SDK1: variants seen among roughly 807,000 people sequenced by gnomAD.
SDK1 encodes the protein protein sidekick-1.
Under a neutral mutation model 245.5 loss-of-function variants are expected in SDK1, and 157 were observed. The ratio of observed to expected loss-of-function variants is 0.64; its 90% CI spans 0.56 to 0.73. The LOEUF (loss-of-function observed/expected upper bound fraction) is 0.73. SDK1 is among the 30% of genes least tolerant of loss of function. SDK1 has a pLI of 0.00. For synonymous variants in SDK1, 1,647 were observed against 1,278.5 expected (o/e 1.29, Z -6.15); for missense variants, 3,583 against 3,002.3 (o/e 1.19, Z -4.52).
rs77866230 is a variant in SDK1, at chr7:3,558,601, G to T, written c.299-60479G>T. Among the ~76,000 whole-genome samples, 401 of 152,326 alleles carry T rather than the reference G, an allele frequency of 2.6e-3. 2 individuals carry two copies. Among genetic ancestry groups the T allele is most frequent in the African/African-American group, 9.2e-3 (382 of 41,584 alleles). The stretch of plus-strand genomic sequence containing the variant: ...GGTTATTGCTCTGTGAAGGGAGTAA[G>T]AGCTGGGAGGGGGCAGAGGGGCAAT... On this transcript the variant is annotated intron_variant, in intron 1 of 44. Transcript: ENST00000404826.
chr7:3,987,094 C>A (rs1583737655), intron 13 of SDK1, 92 bp from the exon 14 acceptor site: 1 of 1,227,496 alleles, frequency 8.1e-7, no homozygotes, highest in Non-Finnish European at 1.2e-6. Context: ...CCAAACATGA[C>A]ACAGCAGGAC....
At chr7:3,465,019 G>A (rs1456513710) in intron 1 of SDK1, among the ~76,000 whole-genome samples, 4 of 152,094 alleles carry the variant, frequency 2.6e-5, no homozygotes, top group Non-Finnish European at 5.9e-5. Flanking sequence ...AACCACAGAG[G>A]AAGACTTTTG....
At chr7:4,097,748 T>C (rs532469198) in intron 22 of SDK1, among the ~76,000 whole-genome samples, 2 of 152,336 alleles carry the variant, frequency 1.3e-5, no homozygotes, top group African/African-American at 4.8e-5. Flanking sequence ...GTGAGACCTG[T>C]CTGTGGCCCT....
At chr7:3,665,002 G>C (rs1327715866) in intron 4 of SDK1, among the ~76,000 whole-genome samples, 1 of 152,188 alleles carries the variant, frequency 6.6e-6, no homozygotes, top group African/African-American at 2.4e-5. Flanking sequence ...TAAACTTTGA[G>C]TAGGCTCTTC....
At position 4,012,549 on chromosome 7, in the gene SDK1, C is replaced by CTTTTTTTTTTTT. The variant is rs777199429; in HGVS notation, c.2420+346_2420+357dup. Reference sequence around the variant, plus strand: ...GCAAGGTATATTGTTCAATGTGAAGCTTTTTTTTTTTTTTTTTTTTTTTTT... The same window carrying CTTTTTTTTTTTT: ...GCAAGGTATATTGTTCAATGTGAAGCTTTTTTTTTTTTTTTTTTTTTTTTTTTTTTTTTTTTT... On this transcript the variant is annotated intron_variant, in intron 16 of 44. Transcript: ENST00000404826. Among the ~76,000 whole-genome samples the CTTTTTTTTTTTT allele has an allele frequency of 6.5e-4, 17 of 25,988 alleles. 4 individuals carry two copies. The highest frequency in any genetic ancestry group is 1.2e-3 in the Admixed American group (2 of 1,620). 17.0% of individuals were successfully genotyped at this position (25,988 alleles called of 152,430 possible).
At chr7:3,760,235 T>C (rs1780055093) in intron 4 of SDK1, among the ~76,000 whole-genome samples, 1 of 152,206 alleles carries the variant, frequency 6.6e-6, no homozygotes, top group Non-Finnish European at 1.5e-5. Context: ...AGTGCAGTTT[T>C]TGATCAATTT....
intron 1 of SDK1, among the ~76,000 whole-genome samples, chr7:3,494,745 A>G (rs1294134029): frequency 2.0e-5 from 3 of 152,220 alleles, no homozygotes; most frequent in African/African-American, 7.2e-5. Context: ...TTTGAGAGCA[A>G]ATGTTTGTTA....
At chr7:3,519,581 C>T (rs1782866652) in intron 1 of SDK1, among the ~76,000 whole-genome samples, 1 of 75,884 alleles carries the variant, frequency 1.3e-5, no homozygotes, top group African/African-American at 6.4e-5. Flanking sequence ...TCATTGAAAT[C>T]CTGTGAGTAG....
intron 1 of SDK1, among the ~76,000 whole-genome samples, chr7:3,304,979 C>G (rs1489698209): frequency 6.6e-6 from 1 of 152,178 alleles, no homozygotes; most frequent in Non-Finnish European, 1.5e-5. Flanking sequence ...AACCACTGCT[C>G]TAATGGTTTT....
At chr7:4,235,665 C>G (rs959964928) in intron 41 of SDK1, among the ~76,000 whole-genome samples, 24 of 152,244 alleles carry the variant, frequency 1.6e-4, no homozygotes, top group African/African-American at 5.5e-4. Flanking sequence ...TACACATGCA[C>G]AGAAAGCCGG....
At chr7:4,043,858 A>G (rs1036652214) in intron 17 of SDK1, among the ~76,000 whole-genome samples, 1 of 151,998 alleles carries the variant, frequency 6.6e-6, no homozygotes, top group Admixed American at 6.6e-5. Flanking sequence ...CGAGAATGAG[A>G]TGCCGTCCTC....
intron 5 of SDK1, among the ~76,000 whole-genome samples, chr7:3,872,557 G>C (rs1306406854): frequency 6.7e-6 from 1 of 148,358 alleles, no homozygotes; most frequent in Non-Finnish European, 1.5e-5. Flanking sequence ...TTGAATTTAT[G>C]GTCATAGGAT....
At chr7:4,177,330 G>A (rs1218812957) in intron 34 of SDK1, among the ~76,000 whole-genome samples, 1 of 152,208 alleles carries the variant, frequency 6.6e-6, no homozygotes, top group Non-Finnish European at 1.5e-5. Context: ...GCCACCCACA[G>A]AGCAGTGTTA....
chr7:3,889,152 T>C (rs1011520698), intron 5 of SDK1, among the ~76,000 whole-genome samples: 3 of 152,206 alleles, frequency 2.0e-5, no homozygotes, highest in African/African-American at 7.2e-5. Flanking sequence ...GAAAGTGATA[T>C]CTAATCAATG....
chr7:3,554,094 A>C (rs1379047580), intron 1 of SDK1, among the ~76,000 whole-genome samples: 4 of 152,206 alleles, frequency 2.6e-5, no homozygotes, highest in African/African-American at 9.7e-5. Flanking sequence ...TGAACAACAC[A>C]ATCAAGCAAC....
chr7:3,434,656 C>T (rs1380205795), intron 1 of SDK1, among the ~76,000 whole-genome samples: 2 of 152,140 alleles, frequency 1.3e-5, no homozygotes, highest in East Asian at 3.9e-4. Context: ...GGTTTCAGCC[C>T]AAGCCAACTT....
chr7:3,932,257 G>T (rs1780002552), intron 5 of SDK1, among the ~76,000 whole-genome samples: 1 of 152,176 alleles, frequency 6.6e-6, no homozygotes. Context: ...TCTTAGGAGG[G>T]ATCTTAGCTG....
chr7:3,650,725 A>C (rs956483398), intron 4 of SDK1, among the ~76,000 whole-genome samples: 6 of 152,094 alleles, frequency 3.9e-5, no homozygotes, highest in African/African-American at 7.2e-5. Context: ...TCCCCTTCTT[A>C]AGCCCTAATA....
At chr7:3,982,813 G>A (rs186691053) in intron 13 of SDK1, among the ~76,000 whole-genome samples, 91 of 151,686 alleles carry the variant, frequency 6.0e-4, no homozygotes, top group Admixed American at 5.4e-3. Flanking sequence ...GCACTCCAGC[G>A]TGGGCGACAG....
Sources: allele counts gnomAD v4.1 joint callset (sites outside exome capture counted in the v4.1 genomes callset), GRCh38; gene constraint gnomAD v4.1.1; transcripts MANE v1.5; gene names NCBI Gene and HGNC (gene_info 2026-07-23, HGNC 2026-07-21).